The following RAPSN variants were observed in gnomAD, a reference collection of about 807,000 sequenced individuals.
The protein encoded by RAPSN is receptor associated protein of the synapse, also known as 43 kDa receptor-associated protein of the synapse.
RAPSN carries 33 observed loss-of-function variants against 45.7 expected under a neutral mutation model. That is an observed-to-expected ratio of 0.72 (90% CI 0.55 to 0.97). The LOEUF is 0.97. RAPSN is among the 50% of genes least tolerant of loss of function. The pLI is 0.00. For missense variants in RAPSN, 519 were observed against 559.4 expected, an observed-to-expected ratio of 0.93 and a Z score of 0.73; for synonymous variants, 244 against 233.6, an observed-to-expected ratio of 1.04 and a Z score of -0.40.
intron 6 of RAPSN, 68 bp downstream of exon 6, chr11:47,441,091 C>A (rs2076358388): frequency 6.3e-7 from 1 of 1,598,454 alleles, no homozygotes; most frequent in Non-Finnish European, 8.6e-7. Flanking sequence ...CAGGAAGGCC[C>A]TTCCCCAGAC....
At chr11:47,439,983 C>A (rs1216339694) in intron 6 of RAPSN, among the ~76,000 whole-genome samples, 1 of 152,086 alleles carries the variant, frequency 6.6e-6, no homozygotes, top group Non-Finnish European at 1.5e-5. Flanking sequence ...AGCCACCGCA[C>A]CCGGCCTTGG....
chr11:47,442,734 G>A lies in RAPSN; in HGVS notation c.612C>T (p.Tyr204=). 1.2e-6 allele frequency: 2 copies of A among 1,614,268 alleles called. No individual in the cohort carries two copies. Among genetic ancestry groups the A allele is most frequent in the Non-Finnish European group, 1.7e-6 (2 of 1,180,052 alleles). The part of the protein sequence containing the change: ...NNYGKGWSLK[Y]RAMSQYHMAV... The stretch of plus-strand genomic sequence containing the variant: ...CCATGTGGTACTGGCTCATGGCCCG[G>A]TACTTCAGGCTCCAGCCTTTGCCAT... Residue 204 remains tyrosine, a synonymous_variant, in exon 3 of 8, where the codon TAC becomes TAT. Coordinates refer to ENST00000298854, the MANE Select transcript of RAPSN (RefSeq NM_005055.5).
Position 47,447,969 on chromosome 11 carries a change from A to G in RAPSN, c.374T>C (p.Val125Ala), listed in dbSNP as rs2076422724. ...GAAGGCATTGCCCATGCTCAGGCTG[A>G]CCTGGCCTCCGAGCTGGGCACCTGC... Reference protein sequence around the residue: ...TRAGAQLGGQVSLSMGNAFLG... With the variant: ...TRAGAQLGGQASLSMGNAFLG... Residue 125 changes from valine to alanine, a missense_variant, in exon 2 of 8, where the codon GTC becomes GCC. By Grantham distance (64) the Val-to-Ala change is moderately conservative (BLOSUM62 0). Coordinates refer to ENST00000298854, the MANE Select transcript of RAPSN (RefSeq NM_005055.5). 6.2e-7 allele frequency: 1 copy of G among 1,613,844 alleles called. No homozygotes were observed. Among genetic ancestry groups the G allele is most frequent in the Non-Finnish European group, 8.5e-7 (1 of 1,179,964 alleles).
intron 2 of RAPSN, among the ~76,000 whole-genome samples, chr11:47,443,843 T>G (rs2076383166): frequency 1.4e-5 from 2 of 139,258 alleles, no homozygotes; most frequent in Admixed American, 8.1e-5. Context: ...GGTGGGAGAA[T>G]CACTTGAGCA....
At chr11:47,447,189 C>A (rs1309441599) in intron 2 of RAPSN, among the ~76,000 whole-genome samples, 1 of 152,116 alleles carries the variant, frequency 6.6e-6, no homozygotes, top group Non-Finnish European at 1.5e-5. Context: ...TCAAACATCA[C>A]CTCTGCGAGG....
At chr11:47,438,414 C>T (rs1321244923) in intron 7 of RAPSN, 3 of 566,506 alleles carry the variant, frequency 5.3e-6, no homozygotes, top group East Asian at 2.9e-5. Context: ...CCTCTGCCTC[C>T]CGGGTTCAAG....
rs1195415691 is a variant in RAPSN at position 47,437,833 on chromosome 11, G to A, written c.*142C>T. On this transcript the variant is annotated 3_prime_UTR_variant, in exon 8 of 8. Transcript: ENST00000298854. ...GAGGCAGGGAGGGGAGCTGGGCCCA[G>A]GGGAGCAGCCCTGGGCAGGCCCCAA... 9.7e-7 allele frequency: 1 copy of A among 1,033,168 alleles called. No individual in the cohort carries two copies. The highest frequency in any genetic ancestry group is 2.0e-5 in the Admixed American group (1 of 50,186). 64.0% of individuals were successfully genotyped at this position (1,033,168 alleles called of 1,614,324 possible).
Position 47,442,719 on chromosome 11 carries a change from C to T in RAPSN, c.627G>A (p.Gln209=). ...GWSLKYRAMS[Q]YHMAVAYRLL... ...GGCGATAGGCCACGGCCATGTGGTA[C>T]TGGCTCATGGCCCGGTACTTCAGGC... The change falls in exon 3 of 8, where the codon CAG becomes CAA. Residue 209 remains glutamine (Q), a synonymous_variant. Coordinates refer to ENST00000298854, the MANE Select transcript of RAPSN (RefSeq NM_005055.5). 6.2e-7 allele frequency: 1 copy of T among 1,614,264 alleles called. No homozygotes were observed. The highest frequency in any genetic ancestry group is 8.5e-7 in the Non-Finnish European group (1 of 1,180,056).
At chr11:47,440,613 T>C (rs1179194585) in intron 6 of RAPSN, among the ~76,000 whole-genome samples, 5 of 152,140 alleles carry the variant, frequency 3.3e-5, no homozygotes, top group Non-Finnish European at 1.5e-5. Flanking sequence ...CCCAGTGTGG[T>C]GGCGGGTGCC....
Position 47,438,021 on chromosome 11 carries a change from C to T in RAPSN, c.1193G>A (p.Ser398Asn), listed in dbSNP as rs1055000377. The change falls in exon 8 of 8, where the codon AGC becomes AAC. Residue 398 changes from serine (S) to asparagine (N), a missense_variant. Physicochemically the swap from Ser to Asn is conservative, Grantham distance 46. Coordinates refer to ENST00000298854, the MANE Select transcript of RAPSN (RefSeq NM_005055.5). ...GGATGAGCGGCGGCAGTTGGGACAGCTCCGGGTCCCGTTGTTCTGCAGGCA... is the reference window on the plus strand; with the variant it reads ...GGATGAGCGGCGGCAGTTGGGACAGTTCCGGGTCCCGTTGTTCTGCAGGCA... ...LRCLQNNGTR[S>N]CPNCRRSSMK... 8 of 1,549,964 alleles carry T rather than the reference C, an allele frequency of 5.2e-6. No homozygotes were observed. The African/African-American group carries it at 9.6e-5, about 19-fold the overall frequency.
intron 6 of RAPSN, among the ~76,000 whole-genome samples, chr11:47,439,938 A>C (rs1476965101): frequency 1.3e-5 from 2 of 151,926 alleles, no homozygotes; most frequent in Non-Finnish European, 2.9e-5. Context: ...ATCTCAGGTG[A>C]TCTGCCCACC....
intron 2 of RAPSN, among the ~76,000 whole-genome samples, chr11:47,446,827 C>T (rs1051150969): frequency 9.2e-5 from 14 of 152,300 alleles, no homozygotes; most frequent in Admixed American, 1.3e-4. Context: ...ATCGCTTGAA[C>T]CCAGGAGGCG....
chr11:47,442,727 T>G lies in RAPSN; in HGVS notation c.619A>C (p.Met207Leu). The G allele has an allele frequency of 6.2e-7, 1 of 1,614,258 alleles. No individual in the cohort carries two copies. Among genetic ancestry groups the G allele is most frequent in the Non-Finnish European group, 8.5e-7 (1 of 1,180,046 alleles). Residue 207 changes from methionine to leucine, a missense_variant, in exon 3 of 8, where the codon ATG (methionine) becomes CTG (leucine). Met to Leu is a conservative substitution (Grantham distance 15). Coordinates refer to ENST00000298854, the MANE Select transcript of RAPSN (RefSeq NM_005055.5). ...GKGWSLKYRA[M>L]SQYHMAVAYR... Reference sequence around the variant, plus strand: ...GCCACGGCCATGTGGTACTGGCTCATGGCCCGGTACTTCAGGCTCCAGCCT... The same window carrying G: ...GCCACGGCCATGTGGTACTGGCTCAGGGCCCGGTACTTCAGGCTCCAGCCT...
chr11:47,447,341 G>A (rs1051029623), intron 2 of RAPSN, among the ~76,000 whole-genome samples: 7 of 152,172 alleles, frequency 4.6e-5, no homozygotes, highest in Admixed American at 2.0e-4. Flanking sequence ...CAACCCTCGT[G>A]AGGACGGGGA....
At chr11:47,448,197 G>A (rs1472334749) in intron 1 of RAPSN, 47 bp from the exon 2 acceptor site, 1 of 1,588,810 alleles carries the variant, frequency 6.3e-7, no homozygotes, top group Admixed American at 1.7e-5. Context: ...TGGACTCTGA[G>A]CCTTGGACCC....
chr11:47,438,701 C>A, intron 7 of RAPSN, 31 bp downstream of exon 7: 2 of 1,551,046 alleles, frequency 1.3e-6, no homozygotes, highest in Non-Finnish European at 1.7e-6. Flanking sequence ...AGATCCTGCC[C>A]ACCCCTGTCC....
chr11:47,445,772 A>G (rs1233047173), intron 2 of RAPSN, among the ~76,000 whole-genome samples: 1 of 152,164 alleles, frequency 6.6e-6, no homozygotes, highest in East Asian at 1.9e-4. Flanking sequence ...ATCTAAGAGA[A>G]AAGACAATCA....
chr11:47,449,087 G>T lies in RAPSN; in HGVS notation c.-123C>A. 1 of 1,217,690 alleles carries T rather than the reference G, an allele frequency of 8.2e-7. No homozygotes were observed. The highest frequency in any genetic ancestry group is 2.4e-5 in the East Asian group (1 of 41,140). 75.4% of individuals were successfully genotyped at this position (1,217,690 alleles called of 1,614,324 possible). On this transcript the variant is annotated 5_prime_UTR_variant, in exon 1 of 8. Transcript: ENST00000298854. ...AACGTGGGAACAAAAGCAGCGTCGG[G>T]TGGGAGCCGGAATGGGGCCTGGATG...
In RAPSN at chr11:47,449,084, C is replaced by T. The variant is rs2076435309; in HGVS notation, c.-120G>A. 1.0e-5 allele frequency: 13 copies of T among 1,252,142 alleles called. No homozygotes were observed. In the East Asian group the frequency reaches 1.4e-4, roughly 14 times the overall value. The allele number at this position is 1,252,142 out of a possible 1,614,324, so 77.6% of individuals were successfully genotyped here. A position where few individuals can be genotyped will look rare whatever the true frequency, so the allele number is the denominator to read the frequency against. ...CGAAACGTGGGAACAAAAGCAGCGT[C>T]GGGTGGGAGCCGGAATGGGGCCTGG... On this transcript the variant is annotated 5_prime_UTR_variant, in exon 1 of 8. Transcript: ENST00000298854.
Sources: gnomAD v4.1 joint callset for allele counts (sites outside exome capture counted in the v4.1 genomes callset) on GRCh38, gnomAD v4.1.1 for gene constraint, MANE v1.5 for transcripts, NCBI Gene and HGNC (gene_info 2026-07-23, HGNC 2026-07-21) for gene names.